SENP7: variants seen among roughly 807,000 people sequenced by gnomAD.
SENP7 encodes sentrin-specific protease 7.
In SENP7, 64 loss-of-function variants were observed where a neutral mutation model predicts 141.2. That is an observed-to-expected ratio of 0.45 (90% confidence interval 0.37 to 0.56). The LOEUF is 0.56. SENP7 is among the 20% of genes least tolerant of loss of function. SENP7 has a pLI of 0.00. For missense variants in SENP7, 1,025 were observed against 1,212.2 expected, an observed-to-expected ratio of 0.85 and a Z score of 2.29; for synonymous variants, 382 against 426.4, an observed-to-expected ratio of 0.90 and a Z score of 1.28.
chr3:101,482,423 A>G (rs2064531557), intron 3 of SENP7, among the ~76,000 whole-genome samples: 1 of 152,212 alleles, frequency 6.6e-6, no homozygotes, highest in Non-Finnish European at 1.5e-5. Context: ...AAAGAACCAA[A>G]TACACAGAAA....
chr3:101,333,184 T>C (rs1380158841), intron 17 of SENP7: 1 of 265,114 alleles, frequency 3.8e-6, no homozygotes, highest in Non-Finnish European at 7.0e-6. Context: ...CTGGGCATGA[T>C]ATAAAATACT....
intron 3 of SENP7, among the ~76,000 whole-genome samples, chr3:101,466,579 A>C (rs1380925176): frequency 1.3e-5 from 2 of 152,198 alleles, no homozygotes; most frequent in Non-Finnish European, 2.9e-5. Context: ...ACACTACACT[A>C]CAAAAATGCT....
chr3:101,352,872 AC>A (rs1297220937), intron 11 of SENP7, among the ~76,000 whole-genome samples: 1 of 151,950 alleles, frequency 6.6e-6, no homozygotes, highest in Non-Finnish European at 1.5e-5. Context: ...CAAATATAAA[AC>A]CCTATATTCC....
intron 11 of SENP7, chr3:101,358,093 T>C (rs1337122523): frequency 1.7e-6 from 1 of 580,348 alleles, no homozygotes; most frequent in Non-Finnish European, 2.8e-6. Context: ...ACTCTACAAA[T>C]GTGAAGAATG....
At chr3:101,493,679 A>G (rs2065048229) in intron 3 of SENP7, among the ~76,000 whole-genome samples, 194 bp downstream of exon 3, 1 of 152,212 alleles carries the variant, frequency 6.6e-6, no homozygotes, top group African/African-American at 2.4e-5. Flanking sequence ...AATTATATAT[A>G]CATAGTTTTA....
chr3:101,347,721 CAAAAAAAA>C, intron 13 of SENP7, 143 bp downstream of exon 13: 1 of 273,192 alleles, frequency 3.7e-6, no homozygotes, highest in Non-Finnish European at 6.0e-6. Flanking sequence ...GACTCCATCT[CAAAAAAAA>C]AAAAAAAAAG....
chr3:101,496,157 G>T (rs533754539), intron 2 of SENP7, among the ~76,000 whole-genome samples: 3 of 152,298 alleles, frequency 2.0e-5, no homozygotes, highest in Non-Finnish European at 4.4e-5. Flanking sequence ...AATTCTGGTT[G>T]TGTCTGGGTG....
intron 20 of SENP7, among the ~76,000 whole-genome samples, chr3:101,329,956 G>GAA (rs1203567505): frequency 7.0e-5 from 4 of 57,344 alleles, no homozygotes; most frequent in South Asian, 4.6e-4. Context: ...CCATCACAAA[G>GAA]AAAAAAAAAA....
intron 1 of SENP7, among the ~76,000 whole-genome samples, chr3:101,506,141 C>T (rs749965343): frequency 3.3e-5 from 5 of 151,986 alleles, no homozygotes; most frequent in Admixed American, 6.6e-5. Context: ...CCGCTTCAGC[C>T]TCCCCAGTAC....
At chr3:101,371,717 C>T (rs76599742) in intron 7 of SENP7, among the ~76,000 whole-genome samples, 3,639 of 152,002 alleles carry the variant, frequency 0.024, 167 homozygotes, top group African/African-American at 0.084. Flanking sequence ...TCCATGGAAA[C>T]AACACTTAGA....
intron 14 of SENP7, among the ~76,000 whole-genome samples, chr3:101,342,370 A>G (rs1469643705): frequency 6.6e-6 from 1 of 152,200 alleles, no homozygotes; most frequent in African/African-American, 2.4e-5. Flanking sequence ...TGGCAGAGAT[A>G]TACAAGCTAC....
Position 101,364,920 on chromosome 3 carries a change from G to C in SENP7, c.1390C>G (p.Gln464Glu). The change falls in exon 10 of 24, where the codon CAA becomes GAA. Residue 464 changes from glutamine (Q) to glutamate (E), a missense_variant. Coordinates refer to ENST00000394095, the MANE Select transcript of SENP7 (RefSeq NM_020654.5). The stretch of plus-strand genomic sequence containing the variant: ...TTTTCATTAGTTGTCTCACGGTCTT[G>C]CTTAGATTGTAACTTAAGAATTTCT... ...SSEILKLQSKQDRETTNENES... is the reference protein window; with the variant it reads ...SSEILKLQSKEDRETTNENES... The C allele has an allele frequency of 6.3e-7, 1 of 1,599,282 alleles. No individual in the cohort carries two copies. Among genetic ancestry groups the C allele is most frequent in the Non-Finnish European group, 8.5e-7 (1 of 1,172,216 alleles).
At chr3:101,466,110 A>T (rs2063749829) in intron 3 of SENP7, among the ~76,000 whole-genome samples, 1 of 152,182 alleles carries the variant, frequency 6.6e-6, no homozygotes, top group Non-Finnish European at 1.5e-5. Context: ...TTAAAAAATG[A>T]AGAAAGCCTA....
intron 17 of SENP7, among the ~76,000 whole-genome samples, chr3:101,335,684 C>CA (rs1275564794): frequency 6.6e-6 from 1 of 152,032 alleles, no homozygotes; most frequent in Non-Finnish European, 1.5e-5. Flanking sequence ...GGTGAGTATA[C>CA]AAAATTCACA....
At chr3:101,402,963 C>A (rs539801443) in intron 5 of SENP7, among the ~76,000 whole-genome samples, 1 of 152,276 alleles carries the variant, frequency 6.6e-6, no homozygotes, top group South Asian at 2.1e-4. Context: ...TTTCATATAG[C>A]TACCACAAAC....
At chr3:101,507,585 T>C (rs2065672688) in intron 1 of SENP7, among the ~76,000 whole-genome samples, 1 of 152,160 alleles carries the variant, frequency 6.6e-6, no homozygotes, top group African/African-American at 2.4e-5. Flanking sequence ...TTTTATTAGA[T>C]ATATTACTTT....
rs1257100584 is a variant in SENP7, at chr3:101,463,398, C to CATAT, written c.187-4350_187-4347dup. Among the ~76,000 whole-genome samples the CATAT allele has an allele frequency of 9.0e-4, 53 of 58,710 alleles. 1 individual carries two copies. Among genetic ancestry groups the CATAT allele is most frequent in the East Asian group, 4.2e-3 (8 of 1,894 alleles). 38.5% of individuals were successfully genotyped at this position (58,710 alleles called of 152,430 possible). On this transcript the variant is annotated intron_variant, in intron 3 of 23. Coordinates refer to ENST00000394095, the MANE Select transcript of SENP7 (RefSeq NM_020654.5). ...ATATATATATATATATATATATATA[C>CATAT]ATATATATATATATATATACACACA...
intron 5 of SENP7, among the ~76,000 whole-genome samples, chr3:101,410,043 A>C (rs2061411012): frequency 6.6e-6 from 1 of 152,230 alleles, no homozygotes; most frequent in Admixed American, 6.5e-5. Flanking sequence ...ACATCTGACA[A>C]AGGACTAATA....
chr3:101,502,531 G>A (rs1178911502), intron 1 of SENP7, among the ~76,000 whole-genome samples: 2 of 152,164 alleles, frequency 1.3e-5, no homozygotes, highest in Middle Eastern at 3.4e-3. Context: ...CCTGACCTCA[G>A]GTGATCCACC....
Sources: gnomAD v4.1 joint callset for allele counts (sites outside exome capture counted in the v4.1 genomes callset) on GRCh38, gnomAD v4.1.1 for gene constraint, MANE v1.5 for transcripts, NCBI Gene and HGNC (gene_info 2026-07-23, HGNC 2026-07-21) for gene names.